The following CNTLN variants were observed in gnomAD, a reference collection of about 807,000 sequenced individuals.
The protein encoded by CNTLN is centlein, centrosomal protein.
CNTLN carries 212 observed loss-of-function variants against 180.0 expected under a neutral mutation model. The ratio of observed to expected loss-of-function variants is 1.18; its 90% CI spans 1.05 to 1.32. The LOEUF (loss-of-function observed/expected upper bound fraction) is 1.32. CNTLN is among the 40% of genes most tolerant of loss of function. The pLI, the probability that CNTLN is intolerant of heterozygous loss-of-function variation, is 0.00. For missense variants in CNTLN, 2,095 were observed against 1,610.9 expected (o/e 1.30, Z -5.14); for synonymous variants, 722 against 563.1 (o/e 1.28, Z -3.99).
At chr9:17,224,142 C>T (rs987294051) in intron 2 of CNTLN, among the ~76,000 whole-genome samples, 11 of 152,090 alleles carry the variant, frequency 7.2e-5, no homozygotes, top group East Asian at 3.9e-4. Context: ...TTCCTTTCTT[C>T]GTTACCCTAA....
intron 5 of CNTLN, among the ~76,000 whole-genome samples, chr9:17,247,714 T>C (rs181887370): frequency 3.3e-5 from 5 of 152,058 alleles, no homozygotes; most frequent in Admixed American, 3.3e-4. Flanking sequence ...GCCATCTTGC[T>C]CCACTTCCTC....
At chr9:17,376,294 TTA>T (rs1447698904) in intron 13 of CNTLN, among the ~76,000 whole-genome samples, 17 of 152,224 alleles carry the variant, frequency 1.1e-4, no homozygotes, top group South Asian at 2.1e-4. Flanking sequence ...ATTAATGACT[TTA>T]TGTTTTTTTG....
intron 2 of CNTLN, among the ~76,000 whole-genome samples, chr9:17,154,750 ACTCTGTAAAATGGACCAATCAGCG>A (rs1319712680): frequency 6.6e-6 from 1 of 152,138 alleles, no homozygotes; most frequent in Non-Finnish European, 1.5e-5. Context: ...ACCAGTCAGC[ACTCTGTAAAATGGACCAATCAGCG>A]CTCTGTAAAA....
At chr9:17,345,023 C>G (rs947665344) in intron 12 of CNTLN, among the ~76,000 whole-genome samples, 1 of 152,100 alleles carries the variant, frequency 6.6e-6, no homozygotes, top group Non-Finnish European at 1.5e-5. Flanking sequence ...CGCATAATGT[C>G]TTTGAGATTC....
chr9:17,501,234 T>A (rs931632101), intron 25 of CNTLN, among the ~76,000 whole-genome samples: 8 of 152,198 alleles, frequency 5.3e-5, no homozygotes, highest in Non-Finnish European at 8.8e-5. Flanking sequence ...GACAAATATG[T>A]GAAGCTCCTG....
chr9:17,348,536 T>C (rs113104817), intron 12 of CNTLN, among the ~76,000 whole-genome samples: 14 of 148,374 alleles, frequency 9.4e-5, no homozygotes, highest in African/African-American at 1.8e-4. Context: ...TTCTTTCTTT[T>C]TTTTTTTTTT....
intron 13 of CNTLN, among the ~76,000 whole-genome samples, 184 bp from the exon 14 acceptor site, chr9:17,387,978 A>G (rs1825815272): frequency 6.6e-6 from 1 of 151,156 alleles, no homozygotes; most frequent in Admixed American, 6.6e-5. Context: ...CACTACAAAG[A>G]TACATAATTA....
At chr9:17,432,650 A>T (rs1225497420) in intron 18 of CNTLN, among the ~76,000 whole-genome samples, 1 of 152,170 alleles carries the variant, frequency 6.6e-6, no homozygotes, top group Non-Finnish European at 1.5e-5. Context: ...ACCATAAGAC[A>T]GTAGAACAGA....
intron 5 of CNTLN, among the ~76,000 whole-genome samples, chr9:17,245,528 T>G (rs1250979307): frequency 6.6e-6 from 1 of 152,006 alleles, no homozygotes; most frequent in African/African-American, 2.4e-5. Flanking sequence ...TAGTTTTCTT[T>G]GGGTTACATC....
At chr9:17,150,287 T>G (rs1051807906) in intron 2 of CNTLN, among the ~76,000 whole-genome samples, 15 of 152,240 alleles carry the variant, frequency 9.9e-5, no homozygotes, top group African/African-American at 3.6e-4. Context: ...GTCCTAGGTC[T>G]TACGTTTAAG....
At chr9:17,290,751 G>T (rs530499571) in intron 6 of CNTLN, among the ~76,000 whole-genome samples, 3 of 151,658 alleles carry the variant, frequency 2.0e-5, no homozygotes, top group Non-Finnish European at 4.4e-5. Flanking sequence ...CGCAATATTC[G>T]GGTGGGAGTG....
In CNTLN at chr9:17,226,221, A is replaced by C; in HGVS notation, c.468A>C (p.Glu156Asp). ...TATCTAGAGAAAAACAGAAATCTGAAGCTAAAGACAGAAAAGTTCTAGAAA... is the reference window on the plus strand; with the variant it reads ...TATCTAGAGAAAAACAGAAATCTGACGCTAAAGACAGAAAAGTTCTAGAAA... ...LVVEREKQKS[E>D]AKDRKVLEIL... Residue 156 changes from glutamate (E) to aspartate (D), a missense_variant, in exon 3 of 26, where the codon GAA (glutamate) becomes GAC (aspartate). Coordinates refer to ENST00000380647, the MANE Select transcript of CNTLN (RefSeq NM_017738.4). 2 of 1,573,506 alleles carry C rather than the reference A, an allele frequency of 1.3e-6. No individual in the cohort carries two copies. Among genetic ancestry groups the C allele is most frequent in the Non-Finnish European group, 1.7e-6 (2 of 1,158,798 alleles).
chr9:17,354,606 C>G (rs555998671), intron 12 of CNTLN, among the ~76,000 whole-genome samples: 21 of 152,222 alleles, frequency 1.4e-4, no homozygotes, highest in Admixed American at 7.2e-4. Context: ...GAAACTATAT[C>G]TAACTAATCT....
intron 2 of CNTLN, among the ~76,000 whole-genome samples, chr9:17,207,221 G>T (rs1012410375): frequency 6.6e-6 from 1 of 152,162 alleles, no homozygotes; most frequent in Non-Finnish European, 1.5e-5. Flanking sequence ...ATATTAATTC[G>T]CTTTTTATAT....
At chr9:17,329,241 ACAAGAGCAGG>A in intron 8 of CNTLN, among the ~76,000 whole-genome samples, 1 of 152,084 alleles carries the variant, frequency 6.6e-6, no homozygotes, top group South Asian at 2.1e-4. Context: ...GGAAACCTAG[ACAAGAGCAGG>A]TAGCCTTTGA....
intron 13 of CNTLN, among the ~76,000 whole-genome samples, chr9:17,385,374 C>T (rs1341797389): frequency 6.6e-6 from 1 of 152,108 alleles, no homozygotes; most frequent in Non-Finnish European, 1.5e-5. Context: ...TGGGGCTGGA[C>T]GTTAAAACCA....
At chr9:17,354,471 T>G (rs1301615250) in intron 12 of CNTLN, among the ~76,000 whole-genome samples, 1 of 152,172 alleles carries the variant, frequency 6.6e-6, no homozygotes, top group East Asian at 1.9e-4. Flanking sequence ...ATCGGCACTC[T>G]GTATCTAGCT....
At chr9:17,395,157 C>T (rs551634281) in intron 15 of CNTLN, 88 bp downstream of exon 15, 114 of 1,464,100 alleles carry the variant, frequency 7.8e-5, no homozygotes, top group South Asian at 5.3e-4. Context: ...CAACTACTGT[C>T]GATTTGGTAT....
At chr9:17,266,050 C>G (rs1439886203) in intron 5 of CNTLN, among the ~76,000 whole-genome samples, 3 of 151,982 alleles carry the variant, frequency 2.0e-5, no homozygotes, top group Non-Finnish European at 4.4e-5. Context: ...CAGTTCTGCT[C>G]TGATGTTAGT....
Sources: gnomAD v4.1 joint callset for allele counts (sites outside exome capture counted in the v4.1 genomes callset) on GRCh38, gnomAD v4.1.1 for gene constraint, MANE v1.5 for transcripts, NCBI Gene and HGNC (gene_info 2026-07-23, HGNC 2026-07-21) for gene names.